Variants in SLC4A4 observed in about 807,000 individuals in gnomAD.
The protein encoded by SLC4A4 is electrogenic sodium bicarbonate cotransporter 1.
Under a neutral mutation model 111.5 loss-of-function variants are expected in SLC4A4, and 27 were observed. The observed-to-expected ratio is 0.24, with a 90% CI of 0.18 to 0.33. The LOEUF is 0.33. Ranked by LOEUF, SLC4A4 falls within the 10% of genes least tolerant of loss-of-function variation. The pLI is 1.00. For synonymous variants in SLC4A4, 443 were observed against 463.4 expected (o/e 0.96, Z 0.57); for missense variants, 909 against 1,315.5 (o/e 0.69, Z 4.78).
chr4:71,085,758 G>A (rs1422521206), intron 1 of SLC4A4, among the ~76,000 whole-genome samples: 1 of 151,894 alleles, frequency 6.6e-6, no homozygotes, highest in Non-Finnish European at 1.5e-5. Flanking sequence ...CTGTTCCATT[G>A]GTCTATATCT....
At chr4:71,447,889 A>T (rs183095065) in intron 9 of SLC4A4, among the ~76,000 whole-genome samples, 156 bp downstream of exon 9, 3 of 152,382 alleles carry the variant, frequency 2.0e-5, no homozygotes, top group African/African-American at 7.2e-5. Context: ...GCTGAATCCT[A>T]TATGGTTTGC....
intron 7 of SLC4A4, among the ~76,000 whole-genome samples, chr4:71,401,115 G>T (rs573088650): frequency 2.6e-5 from 4 of 152,300 alleles, no homozygotes; most frequent in Middle Eastern, 6.8e-3. Flanking sequence ...GTAGCACAAA[G>T]AATGGGTTCA....
chr4:71,317,548 T>C (rs1560405301), intron 3 of SLC4A4, among the ~76,000 whole-genome samples: 1 of 152,080 alleles, frequency 6.6e-6, no homozygotes, highest in Non-Finnish European at 1.5e-5. Flanking sequence ...TAATATATAG[T>C]CCTTGGATAT....
At chr4:71,256,115 G>A (rs967903043) in intron 3 of SLC4A4, among the ~76,000 whole-genome samples, 1 of 152,146 alleles carries the variant, frequency 6.6e-6, no homozygotes, top group Admixed American at 6.6e-5. Context: ...AAATATTGTG[G>A]CTGAACTGAG....
intron 7 of SLC4A4, among the ~76,000 whole-genome samples, chr4:71,407,660 A>G (rs986289439): frequency 6.6e-6 from 1 of 152,260 alleles, no homozygotes; most frequent in African/African-American, 2.4e-5. Context: ...GCAACTATCT[A>G]GAGTTTAGCA....
At chr4:71,419,012 T>C (rs1203220604) in intron 7 of SLC4A4, among the ~76,000 whole-genome samples, 1 of 152,178 alleles carries the variant, frequency 6.6e-6, no homozygotes, top group Non-Finnish European at 1.5e-5. Context: ...CAGCAGTTTT[T>C]CATGAACCGC....
intron 2 of SLC4A4, among the ~76,000 whole-genome samples, chr4:71,245,432 G>T (rs544676155): frequency 1.3e-5 from 2 of 152,080 alleles, no homozygotes; most frequent in Non-Finnish European, 2.9e-5. Context: ...ATTTTGGGTT[G>T]GACAAGAGTG....
chr4:71,385,526 A>G (rs754566606), intron 6 of SLC4A4, among the ~76,000 whole-genome samples: 5 of 152,030 alleles, frequency 3.3e-5, no homozygotes, highest in Non-Finnish European at 5.9e-5. Context: ...TCTCTTATCT[A>G]TAAATTTTGT....
At position 71,571,271 on chromosome 4, in the gene SLC4A4, C is replaced by A. The variant is rs1014025570; in HGVS notation, c.*3520C>A. 6.6e-6 allele frequency: 1 copy of A among 152,258 alleles called. No individual in the cohort carries two copies. Among genetic ancestry groups the A allele is most frequent in the Non-Finnish European group, 1.5e-5 (1 of 67,874 alleles). The allele number at this position is 152,258 out of a possible 1,614,324, so 9.4% of individuals were successfully genotyped here. On this transcript the variant is annotated 3_prime_UTR_variant, in exon 26 of 26. Transcript: ENST00000264485. ...GGACAAAGCCTTCTTCAATCCTTTT[C>A]ATACTACTTAATGATTTTGGTGCAG... is the stretch of plus-strand genomic sequence containing the variant.
intron 3 of SLC4A4, among the ~76,000 whole-genome samples, chr4:71,304,608 A>C (rs976599925): frequency 5.9e-5 from 9 of 152,242 alleles, no homozygotes; most frequent in African/African-American, 2.2e-4. Context: ...AGCCCAGTCA[A>C]GTTGACACAT....
intron 2 of SLC4A4, among the ~76,000 whole-genome samples, chr4:71,131,961 A>G (rs1053280891): frequency 2.0e-5 from 3 of 152,120 alleles, no homozygotes; most frequent in African/African-American, 7.2e-5. Context: ...CTGTTCACCC[A>G]TAATGTCTCT....
chr4:71,460,889 ATCT>A (rs1454144495), intron 12 of SLC4A4, among the ~76,000 whole-genome samples: 1 of 152,098 alleles, frequency 6.6e-6, no homozygotes, highest in Non-Finnish European at 1.5e-5. Context: ...TTATTAAAAA[ATCT>A]TCTGAGATGA....
intron 1 of SLC4A4, among the ~76,000 whole-genome samples, chr4:71,212,214 A>G (rs1417275176): frequency 6.6e-6 from 1 of 152,170 alleles, no homozygotes; most frequent in African/African-American, 2.4e-5. Flanking sequence ...TGAGTTCTTT[A>G]TCTCTATTGT....
At chr4:71,539,011 G>C (rs994513267) in intron 18 of SLC4A4, among the ~76,000 whole-genome samples, 2 of 152,048 alleles carry the variant, frequency 1.3e-5, no homozygotes, top group African/African-American at 4.8e-5. Context: ...TTGGGGGTAG[G>C]AGGGAGAAAT....
intron 3 of SLC4A4, among the ~76,000 whole-genome samples, chr4:71,319,536 T>C (rs1726955715): frequency 1.3e-5 from 2 of 152,094 alleles, no homozygotes; most frequent in Non-Finnish European, 2.9e-5. Flanking sequence ...CTTGGCATTA[T>C]TTTTTCCCTC....
intron 6 of SLC4A4, among the ~76,000 whole-genome samples, chr4:71,361,583 G>C (rs2148918937): frequency 1.3e-5 from 2 of 152,222 alleles, no homozygotes; most frequent in South Asian, 4.1e-4. Flanking sequence ...GAGGTTTTAG[G>C]TAATTCTGGT....
At chr4:71,495,832 C>G (rs931957530) in intron 15 of SLC4A4, among the ~76,000 whole-genome samples, 2 of 152,032 alleles carry the variant, frequency 1.3e-5, no homozygotes, top group Non-Finnish European at 2.9e-5. Context: ...AGCCCTGGAC[C>G]TAAGAGGAGT....
chr4:71,423,444 C>T (rs1722763688), intron 7 of SLC4A4, among the ~76,000 whole-genome samples: 2 of 152,180 alleles, frequency 1.3e-5, no homozygotes, highest in Admixed American at 1.3e-4. Context: ...ATGCCATGCC[C>T]ATCAAGCTAC....
chr4:71,406,042 A>C (rs76085941), intron 7 of SLC4A4, among the ~76,000 whole-genome samples: 6,437 of 151,314 alleles, frequency 0.043, 180 homozygotes, highest in Middle Eastern at 0.082. Flanking sequence ...AAATGGCTTC[A>C]TCTCAAGAGC....
Sources: allele counts gnomAD v4.1 joint callset (sites outside exome capture counted in the v4.1 genomes callset), GRCh38; gene constraint gnomAD v4.1.1; transcripts MANE v1.5; gene names NCBI Gene and HGNC (gene_info 2026-07-23, HGNC 2026-07-21).